Variants in DENND1A observed in about 807,000 individuals in gnomAD.
DENND1A encodes DENN domain-containing protein 1A.
A neutral mutation model predicts 113.7 loss-of-function variants in DENND1A; 51 were observed. That is an observed-to-expected ratio of 0.45 (90% CI 0.36 to 0.57). The LOEUF is 0.57. Among genes scored for constraint, DENND1A ranks in the 20% least tolerant of loss-of-function variants. The pLI, the probability that DENND1A is intolerant of heterozygous loss-of-function variation, is 0.00. For missense variants in DENND1A, 1,258 were observed against 1,395.9 expected (o/e 0.90, Z 1.57); for synonymous variants, 565 against 570.8 (o/e 0.99, Z 0.14).
chr9:123,818,567 CAT>C (rs148656992), intron 2 of DENND1A, among the ~76,000 whole-genome samples: 3,233 of 41,782 alleles, frequency 0.077, 70 homozygotes, highest in Middle Eastern at 0.14. Flanking sequence ...CACACACACA[CAT>C]ATATATATAT....
intron 19 of DENND1A, among the ~76,000 whole-genome samples, chr9:123,426,182 C>A (rs2045713272): frequency 6.6e-6 from 1 of 152,116 alleles, no homozygotes; most frequent in Non-Finnish European, 1.5e-5. Context: ...TCCTCTTGAC[C>A]ATGCAGGCAA....
At chr9:123,440,873 T>G (rs557625824) in intron 18 of DENND1A, among the ~76,000 whole-genome samples, 4 of 152,342 alleles carry the variant, frequency 2.6e-5, no homozygotes, top group African/African-American at 9.6e-5. Context: ...CACTATATTA[T>G]AAGCATTTTC....
intron 21 of DENND1A, among the ~76,000 whole-genome samples, chr9:123,389,192 C>T (rs2042717986): frequency 6.6e-6 from 1 of 152,222 alleles, no homozygotes; most frequent in Admixed American, 6.5e-5. Flanking sequence ...TGCTGCAATC[C>T]GCCAGGGCTG....
chr9:123,728,666 T>TA (rs1209162330), intron 5 of DENND1A, among the ~76,000 whole-genome samples: 1 of 152,038 alleles, frequency 6.6e-6, no homozygotes, highest in East Asian at 1.9e-4. Context: ...AAGACTATTT[T>TA]AAAAATGAAA....
chr9:123,462,370 G>A (rs1286566817), intron 13 of DENND1A, among the ~76,000 whole-genome samples: 1 of 152,250 alleles, frequency 6.6e-6, no homozygotes, highest in Non-Finnish European at 1.5e-5. Context: ...GCAGAGTCAG[G>A]GTTAACAGCT....
At chr9:123,586,394 T>G in intron 11 of DENND1A, among the ~76,000 whole-genome samples, 1 of 152,328 alleles carries the variant, frequency 6.6e-6, no homozygotes, top group South Asian at 2.1e-4. Context: ...CACTCCTGGC[T>G]GGAGGACTTG....
At chr9:123,401,395 C>G in intron 21 of DENND1A, 2 of 826,042 alleles carry the variant, frequency 2.4e-6, no homozygotes, top group South Asian at 4.4e-5. Context: ...CCGGGTTGCA[C>G]TAGAAATACC....
chr9:123,561,614 T>G (rs2057760995), intron 12 of DENND1A, among the ~76,000 whole-genome samples: 1 of 151,978 alleles, frequency 6.6e-6, no homozygotes, highest in Non-Finnish European at 1.5e-5. Flanking sequence ...CCCCGAGGGG[T>G]GCTGGTCAAA....
At chr9:123,660,498 T>C (rs1589558555) in intron 8 of DENND1A, among the ~76,000 whole-genome samples, 1 of 151,962 alleles carries the variant, frequency 6.6e-6, no homozygotes, top group Non-Finnish European at 1.5e-5. Flanking sequence ...TTTGAAAAAT[T>C]AGAAATGATC....
At chr9:123,585,876 T>C (rs2136876706) in intron 11 of DENND1A, among the ~76,000 whole-genome samples, 1 of 152,316 alleles carries the variant, frequency 6.6e-6, no homozygotes, top group African/African-American at 2.4e-5. Context: ...CTAGGGCTGC[T>C]GTGATGAGAG....
At chr9:123,505,386 A>G (rs1354427342) in intron 13 of DENND1A, among the ~76,000 whole-genome samples, 1 of 152,208 alleles carries the variant, frequency 6.6e-6, no homozygotes, top group Admixed American at 6.5e-5. Context: ...TCTTTAAACA[A>G]TGGATTGCGA....
chr9:123,543,773 A>C (rs933303642), intron 13 of DENND1A, among the ~76,000 whole-genome samples: 9 of 152,218 alleles, frequency 5.9e-5, no homozygotes, highest in Non-Finnish European at 1.3e-4. Context: ...ATCTGCAGTG[A>C]TTAGCCCTGT....
intron 10 of DENND1A, among the ~76,000 whole-genome samples, chr9:123,618,386 G>A (rs966711976): frequency 2.0e-5 from 3 of 152,220 alleles, no homozygotes; most frequent in Non-Finnish European, 2.9e-5. Context: ...AAATCAGGGA[G>A]GAATGAGGAA....
chr9:123,738,340 T>C (rs1368251453), intron 5 of DENND1A, among the ~76,000 whole-genome samples: 2 of 151,910 alleles, frequency 1.3e-5, no homozygotes, highest in Non-Finnish European at 2.9e-5. Flanking sequence ...ACATCAAACA[T>C]TGCCTTCCTG....
chr9:123,799,216 G>A (rs1215580064), intron 2 of DENND1A, among the ~76,000 whole-genome samples: 1 of 152,138 alleles, frequency 6.6e-6, no homozygotes, highest in East Asian at 1.9e-4. Flanking sequence ...CAGGCACTGT[G>A]ACAGGCATTT....
chr9:123,494,532 G>C (rs1042126942), intron 13 of DENND1A, among the ~76,000 whole-genome samples: 3 of 152,134 alleles, frequency 2.0e-5, no homozygotes, highest in African/African-American at 7.2e-5. Flanking sequence ...CTTGGTCAGG[G>C]GTGGCTCAAG....
At chr9:123,891,871 C>T (rs989935266) in intron 1 of DENND1A, among the ~76,000 whole-genome samples, 5 of 152,080 alleles carry the variant, frequency 3.3e-5, no homozygotes, top group Non-Finnish European at 7.4e-5. Context: ...CACAGTGATC[C>T]CTGAGAGAAG....
At chr9:123,526,543 C>T (rs1588986539) in intron 13 of DENND1A, among the ~76,000 whole-genome samples, 3 of 152,188 alleles carry the variant, frequency 2.0e-5, no homozygotes, top group East Asian at 1.9e-4. Flanking sequence ...CACAATGCCC[C>T]GAGGGCTTGT....
chr9:123,391,814 T>C (rs2042863698), intron 21 of DENND1A, among the ~76,000 whole-genome samples: 1 of 141,924 alleles, frequency 7.0e-6, no homozygotes, highest in African/African-American at 2.6e-5. Context: ...ATTCAGCTAC[T>C]CCCCTGCGGT....
Sources: gnomAD v4.1 joint callset for allele counts (sites outside exome capture counted in the v4.1 genomes callset) on GRCh38, gnomAD v4.1.1 for gene constraint, MANE v1.5 for transcripts, NCBI Gene and HGNC (gene_info 2026-07-23, HGNC 2026-07-21) for gene names.